Variants in RABGAP1L observed in about 807,000 individuals in gnomAD.
RABGAP1L encodes RAB GTPase activating protein 1 like.
In RABGAP1L, 63 loss-of-function variants were observed where a neutral mutation model predicts 137.7. The ratio of observed to expected loss-of-function variants is 0.46; its 90% confidence interval spans 0.37 to 0.56. The LOEUF is 0.56. Among genes scored for constraint, RABGAP1L ranks in the 20% least tolerant of loss-of-function variants. RABGAP1L has a pLI of 0.00. For synonymous variants in RABGAP1L, 431 were observed against 433.7 expected (o/e 0.99, Z 0.08); for missense variants, 1,095 against 1,244.0 (o/e 0.88, Z 1.80).
intron 19 of RABGAP1L, among the ~76,000 whole-genome samples, chr1:174,837,240 A>G (rs1692856290): frequency 6.6e-6 from 1 of 152,088 alleles, no homozygotes; most frequent in Non-Finnish European, 1.5e-5. Context: ...TGTAGAATGA[A>G]TTTTCTGTAT....
chr1:174,467,378 T>C (rs1657419995), intron 13 of RABGAP1L, among the ~76,000 whole-genome samples: 1 of 151,616 alleles, frequency 6.6e-6, no homozygotes, highest in Non-Finnish European at 1.5e-5. Flanking sequence ...GCTACTTTGA[T>C]ATTTCTTTGT....
At chr1:174,579,590 C>T (rs944984285) in intron 13 of RABGAP1L, among the ~76,000 whole-genome samples, 3 of 152,128 alleles carry the variant, frequency 2.0e-5, no homozygotes, top group Non-Finnish European at 1.5e-5. Flanking sequence ...ATTAGAGATT[C>T]TAATTATGTG....
intron 13 of RABGAP1L, among the ~76,000 whole-genome samples, chr1:174,579,372 A>T (rs1668581976): frequency 6.6e-6 from 1 of 152,032 alleles, no homozygotes; most frequent in African/African-American, 2.4e-5. Flanking sequence ...AAGAGTTTAT[A>T]TTTTATTCTT....
At chr1:174,872,021 A>T (rs1293876938) in intron 19 of RABGAP1L, among the ~76,000 whole-genome samples, 1 of 152,238 alleles carries the variant, frequency 6.6e-6, no homozygotes, top group Non-Finnish European at 1.5e-5. Context: ...ATTCTTTCAT[A>T]GTCTGGAATC....
chr1:174,547,838 A>G, intron 13 of RABGAP1L: 3 of 1,521,336 alleles, frequency 2.0e-6, no homozygotes, highest in Non-Finnish European at 8.9e-7. Context: ...GTCTTTTAGC[A>G]ACAGATGAAA....
Position 174,485,529 on chromosome 1 carries a change from T to C in RABGAP1L, c.1710+91384T>C, listed in dbSNP as rs117160344. ...GTATGTTCCCTCTATCCCCAGTTTT[T>C]GGAGGGTTTTTACCATGAAGGGATG... On this transcript the variant is annotated intron_variant, in intron 13 of 25. Coordinates refer to ENST00000681986, the MANE Select transcript of RABGAP1L (RefSeq NM_001366446.1). 2.3e-3 allele frequency among the ~76,000 whole-genome samples: 357 copies of C among 152,330 alleles called. 14 individuals carry two copies. In the East Asian group the frequency reaches 0.053, roughly 22 times the overall value.
intron 13 of RABGAP1L, among the ~76,000 whole-genome samples, chr1:174,608,126 A>C (rs1196485391): frequency 6.6e-6 from 1 of 152,160 alleles, no homozygotes; most frequent in Non-Finnish European, 1.5e-5. Flanking sequence ...CCCAACAAAG[A>C]AAAATTTGCC....
In RABGAP1L at chr1:174,349,723, G is replaced by A. The variant is rs540649777; in HGVS notation, c.1466-21256G>A. Among the ~76,000 whole-genome samples, 421 of 135,730 alleles carry A rather than the reference G, an allele frequency of 3.1e-3. 1 individual carries two copies. The highest frequency in any genetic ancestry group is 0.011 in the African/African-American group (390 of 37,054). 89.0% of individuals were successfully genotyped at this position (135,730 alleles called of 152,430 possible). A position where few individuals can be genotyped will look rare whatever the true frequency, so the allele number is the denominator to read the frequency against. ...TCCCTCCCGGACAGGGCGGCTGGCC[G>A]GGCGGGGGGCTGACCCCCCCACCTC... On this transcript the variant is annotated intron_variant, in intron 11 of 25. Coordinates refer to ENST00000681986, the MANE Select transcript of RABGAP1L (RefSeq NM_001366446.1).
chr1:174,617,089 C>A (rs12072909), intron 13 of RABGAP1L, among the ~76,000 whole-genome samples: 20,278 of 152,152 alleles, frequency 0.13, 4,531 homozygotes, highest in African/African-American at 0.46. Context: ...TGTCCAGCAG[C>A]TAGGATGTAT....
intron 19 of RABGAP1L, among the ~76,000 whole-genome samples, chr1:174,907,817 T>C (rs983027637): frequency 6.6e-6 from 1 of 152,146 alleles, no homozygotes; most frequent in South Asian, 2.1e-4. Flanking sequence ...TCCTTACTTA[T>C]CAATAATAAC....
chr1:174,648,989 T>C (rs1363035617), intron 14 of RABGAP1L, among the ~76,000 whole-genome samples: 1 of 152,144 alleles, frequency 6.6e-6, no homozygotes, highest in Non-Finnish European at 1.5e-5. Flanking sequence ...TTTGTTGGTT[T>C]AAAGTCTGTT....
At chr1:174,377,610 A>G (rs187514618) in intron 12 of RABGAP1L, among the ~76,000 whole-genome samples, 4 of 152,164 alleles carry the variant, frequency 2.6e-5, no homozygotes, top group African/African-American at 4.8e-5. Flanking sequence ...AAGATGCTCA[A>G]TATCATTAAC....
chr1:174,833,430 ATATG>A (rs1269277152), intron 19 of RABGAP1L, among the ~76,000 whole-genome samples: 1 of 113,794 alleles, frequency 8.8e-6, no homozygotes, highest in African/African-American at 2.8e-5. Context: ...GTGTATATAT[ATATG>A]TGTGTGTGTG....
intron 1 of RABGAP1L, among the ~76,000 whole-genome samples, chr1:174,185,635 T>G (rs1169917251): frequency 6.6e-6 from 1 of 152,194 alleles, no homozygotes; most frequent in Non-Finnish European, 1.5e-5. Flanking sequence ...GGGCTGAGTA[T>G]ATTTTGGATA....
chr1:174,512,828 G>A (rs1166595233), intron 13 of RABGAP1L, among the ~76,000 whole-genome samples: 1 of 151,986 alleles, frequency 6.6e-6, no homozygotes, highest in Non-Finnish European at 1.5e-5. Context: ...CTTTAGCCTA[G>A]GTAATTCTTC....
chr1:174,914,306 G>A (rs540412267), intron 19 of RABGAP1L, among the ~76,000 whole-genome samples: 1 of 152,200 alleles, frequency 6.6e-6, no homozygotes, highest in African/African-American at 2.4e-5. Context: ...GAAAGGAAGA[G>A]AGAATACATC....
Position 174,836,211 on chromosome 1 carries a change from C to T in RABGAP1L, c.2340+24251C>T, listed in dbSNP as rs143079737. 2.7e-3 allele frequency among the ~76,000 whole-genome samples: 410 copies of T among 151,854 alleles called. 5 individuals carry two copies. Among genetic ancestry groups the T allele is most frequent in the African/African-American group, 9.4e-3 (389 of 41,388 alleles). The stretch of plus-strand genomic sequence containing the variant: ...AACATGTATTTTCTGTCATACATGA[C>T]CAGGCAAATTGAGTAGATTAGGATG... On this transcript the variant is annotated intron_variant, in intron 19 of 25. Transcript: ENST00000681986.
At chr1:174,557,411 ACCAGAGTATCCT>A (rs1296021311) in intron 13 of RABGAP1L, among the ~76,000 whole-genome samples, 1 of 152,142 alleles carries the variant, frequency 6.6e-6, no homozygotes, top group East Asian at 1.9e-4. Context: ...GCTATATACC[ACCAGAGTATCCT>A]CCAGAAATTC....
intron 13 of RABGAP1L, among the ~76,000 whole-genome samples, chr1:174,587,956 T>G (rs1333205076): frequency 6.6e-6 from 1 of 152,048 alleles, no homozygotes; most frequent in African/African-American, 2.4e-5. Context: ...CTCCGCCTCC[T>G]GTGTTCAAGT....
Sources: allele counts gnomAD v4.1 joint callset (sites outside exome capture counted in the v4.1 genomes callset), GRCh38; gene constraint gnomAD v4.1.1; transcripts MANE v1.5; gene names NCBI Gene and HGNC (gene_info 2026-07-23, HGNC 2026-07-21).